The following ATP6V0B variants were observed in gnomAD, a reference collection of about 807,000 sequenced individuals.
The protein encoded by ATP6V0B is ATPase H+ transporting V0 subunit b, also known as V-type proton ATPase 21 kDa proteolipid subunit c''.
Under a neutral mutation model 26.2 loss-of-function variants are expected in ATP6V0B, and 4 were observed. That is an observed-to-expected ratio of 0.15 (90% CI 0.08 to 0.35). The LOEUF (loss-of-function observed/expected upper bound fraction) is 0.35. ATP6V0B is among the 10% of genes least tolerant of loss of function. ATP6V0B has a pLI of 1.00. For synonymous variants in ATP6V0B, 110 were observed against 105.8 expected (o/e 1.04, Z -0.24); for missense variants, 175 against 272.5 (o/e 0.64, Z 2.52).
chr1:43,977,775 C>T, intron 7 of ATP6V0B: 1 of 1,484,352 alleles, frequency 6.7e-7, no homozygotes, highest in South Asian at 1.4e-5. Flanking sequence ...TATCCATATG[C>T]CACTTCTCTC....
At chr1:43,975,614 C>A in intron 1 of ATP6V0B, 186 bp from the exon 2 acceptor site, 1 of 697,470 alleles carries the variant, frequency 1.4e-6, no homozygotes, top group Non-Finnish European at 2.5e-6. Flanking sequence ...GTGGTTTTAG[C>A]GAGGGAATGG....
At chr1:43,975,294 AG>A in intron 1 of ATP6V0B, 187 bp downstream of exon 1, 2 of 625,958 alleles carry the variant, frequency 3.2e-6, no homozygotes, top group South Asian at 1.6e-5. Context: ...CTGCTTGAGG[AG>A]GGGTGCGGGC....
Position 43,976,950 on chromosome 1 carries a change from A to T in ATP6V0B, c.401-76A>T. ...ACTTTTTCTGCTTTGCAGAGTGGGG[A>T]TGGTGATTGGCCCCATTAGCCCATA... On this transcript the variant is annotated intron_variant, in intron 6 of 7. Transcript: ENST00000472174. This position sits in a 1 kb window ranked among gnomAD's most constrained non-coding sequence, Gnocchi z 4.6. 3.1e-6 allele frequency: 5 copies of T among 1,600,764 alleles called. No homozygotes were observed. The highest frequency in any genetic ancestry group is 4.3e-6 in the Non-Finnish European group (5 of 1,169,088).
intron 7 of ATP6V0B, chr1:43,977,605 A>G (rs2085536708): frequency 4.2e-6 from 6 of 1,419,754 alleles, no homozygotes; most frequent in South Asian, 3.2e-5. Context: ...TCTCGGAGCT[A>G]TGTGTATCTC....
At chr1:43,977,676 A>C in intron 7 of ATP6V0B, 2 of 1,426,816 alleles carry the variant, frequency 1.4e-6, no homozygotes, top group Non-Finnish European at 1.8e-6. Flanking sequence ...AGTCTGTCTG[A>C]CAGTGTGTGA....
chr1:43,976,193 G>A lies in ATP6V0B; in HGVS notation c.200+20G>A, dbSNP rs561149186. The A allele has an allele frequency of 1.7e-5, 28 of 1,612,558 alleles. No homozygotes were observed. In the East Asian group the frequency reaches 5.4e-4, roughly 31 times the overall value. ...AGCCTGGTGAGTATTGGGGTGGTGG[G>A]ACTGGGGGCAGGGGCTGAGTCATGG... On this transcript the variant is annotated intron_variant, in intron 3 of 7. Coordinates refer to ENST00000472174, the MANE Select transcript of ATP6V0B (RefSeq NM_004047.5). The surrounding 1 kb of genome is among the most constrained non-coding windows in gnomAD (Gnocchi z 4.6).
In ATP6V0B at chr1:43,976,287, T is replaced by G. The variant is rs765040488; in HGVS notation, c.201-15T>G. 6.2e-7 allele frequency: 1 copy of G among 1,613,414 alleles called. No homozygotes were observed. Among genetic ancestry groups the G allele is most frequent in the Non-Finnish European group, 8.5e-7 (1 of 1,179,644 alleles). ...AGCTTGGGCTCTGCTCATCAGTTTT[T>G]TATCCTTCCACCAGGGGCATCTATA... On this transcript the variant is annotated splice_polypyrimidine_tract_variant and intron_variant, in intron 3 of 7. Coordinates refer to ENST00000472174, the MANE Select transcript of ATP6V0B (RefSeq NM_004047.5). This position sits in a 1 kb window ranked among gnomAD's most constrained non-coding sequence, Gnocchi z 4.6.
chr1:43,975,024 C>T lies in ATP6V0B; in HGVS notation c.-17C>T. On this transcript the variant is annotated 5_prime_UTR_variant, in exon 1 of 8. Coordinates refer to ENST00000472174, the MANE Select transcript of ATP6V0B (RefSeq NM_004047.5). ...AGCTCCGGCCCCGCCGTTCCGACCC[C>T]CGCCGCCGTCGCCGCCATGACGGGG... is the stretch of plus-strand genomic sequence containing the variant. The T allele has an allele frequency of 7.9e-7, 1 of 1,267,952 alleles. No homozygotes were observed. The allele number at this position is 1,267,952 out of a possible 1,614,324, so 78.5% of individuals were successfully genotyped here. A position where few individuals can be genotyped will look rare whatever the true frequency, so the allele number is the denominator to read the frequency against.
Position 43,976,902 on chromosome 1 carries a change from A to G in ATP6V0B, c.400+78A>G. On this transcript the variant is annotated intron_variant, in intron 6 of 7. Coordinates refer to ENST00000472174, the MANE Select transcript of ATP6V0B (RefSeq NM_004047.5). This position sits in a 1 kb window ranked among gnomAD's most constrained non-coding sequence, Gnocchi z 4.6. ...ACTCTCCCCCATCCCAGCTTGGGCC[A>G]TCATTTTGATATTCTCTCACCTACT... 6.2e-7 allele frequency: 1 copy of G among 1,604,550 alleles called. No individual in the cohort carries two copies. The highest frequency in any genetic ancestry group is 1.3e-5 in the African/African-American group (1 of 74,896).
Position 43,976,530 on chromosome 1 carries a change from G to A in ATP6V0B, c.279-60G>A, listed in dbSNP as rs762679268. Reference sequence around the variant, plus strand: ...TGGGGACTTACTGGGCAGGAAGGACGGTTTCTTTCTCATTTCTTTCTCCTT... The same window carrying A: ...TGGGGACTTACTGGGCAGGAAGGACAGTTTCTTTCTCATTTCTTTCTCCTT... On this transcript the variant is annotated intron_variant, in intron 4 of 7. Coordinates refer to ENST00000472174, the MANE Select transcript of ATP6V0B (RefSeq NM_004047.5). The surrounding 1 kb of genome is among the most constrained non-coding windows in gnomAD (Gnocchi z 4.6). 17 of 1,594,258 alleles carry A rather than the reference G, an allele frequency of 1.1e-5. No homozygotes were observed. The East Asian group carries it at 1.8e-4, about 17-fold the overall frequency.
At chr1:43,975,467 C>T in intron 1 of ATP6V0B, 1 of 552,646 alleles carries the variant, frequency 1.8e-6, no homozygotes, top group Non-Finnish European at 3.2e-6. Context: ...TTGCCCTCCC[C>T]CACCCACAGC....
At position 43,974,973 on chromosome 1, in the gene ATP6V0B, G is replaced by A; in HGVS notation, c.-68G>A. On this transcript the variant is annotated 5_prime_UTR_variant, in exon 1 of 8. Transcript: ENST00000472174. Reference sequence around the variant, plus strand: ...GGGCGGGCGGACAGACTGCGGGACGGACGGTGGACGCTGGGACGCGTTTGT... The same window carrying A: ...GGGCGGGCGGACAGACTGCGGGACGAACGGTGGACGCTGGGACGCGTTTGT... The A allele has an allele frequency of 1.7e-6, 2 of 1,186,552 alleles. No homozygotes were observed. The highest frequency in any genetic ancestry group is 2.1e-6 in the Non-Finnish European group (2 of 934,656). 73.5% of individuals were successfully genotyped at this position (1,186,552 alleles called of 1,614,324 possible). A position where few individuals can be genotyped will look rare whatever the true frequency, so the allele number is the denominator to read the frequency against.
Position 43,976,374 on chromosome 1 carries a change from GGTCAGGTAA to G in ATP6V0B, c.276_278+6del, listed in dbSNP as rs756321064. 1 of 1,612,116 alleles carries G rather than the reference GGTCAGGTAA, an allele frequency of 6.2e-7. No homozygotes were observed. The highest frequency in any genetic ancestry group is 8.5e-7 in the Non-Finnish European group (1 of 1,179,124). On this transcript the variant is annotated splice_donor_variant and splice_donor_region_variant and coding_sequence_variant and intron_variant, in exon 4 of 8. Transcript: ENST00000472174. LOFTEE classifies it high-confidence loss of function. The surrounding 1 kb of genome is among the most constrained non-coding windows in gnomAD (Gnocchi z 4.6). Reference sequence around the variant, plus strand: ...CCCCCAGGATCAAGACCAAGAACCTGGTCAGGTAAGTGTCAGGGTCCTTGGACTTTTGTC... The same window carrying G: ...CCCCCAGGATCAAGACCAAGAACCTGGTGTCAGGGTCCTTGGACTTTTGTC...
In ATP6V0B at chr1:43,976,975, ATC is replaced by A. The variant is rs2085527401; in HGVS notation, c.401-48_401-47del. On this transcript the variant is annotated intron_variant, in intron 6 of 7. Transcript: ENST00000472174. The surrounding 1 kb of genome is among the most constrained non-coding windows in gnomAD (Gnocchi z 4.6). ...ATGGTGATTGGCCCCATTAGCCCATATCTCCCCCATTCCTGGCTTAGCCTCAC... is the reference window on the plus strand; with the variant it reads ...ATGGTGATTGGCCCCATTAGCCCATATCCCCCATTCCTGGCTTAGCCTCAC... 1.2e-6 allele frequency: 2 copies of A among 1,600,800 alleles called. No homozygotes were observed. Among genetic ancestry groups the A allele is most frequent in the East Asian group, 4.5e-5 (2 of 44,638 alleles).
At chr1:43,975,211 T>C in intron 1 of ATP6V0B, 104 bp downstream of exon 1, 3 of 1,306,864 alleles carry the variant, frequency 2.3e-6, no homozygotes, top group Non-Finnish European at 3.0e-6. Context: ...CCCCGCGCGC[T>C]CTGCACCCGA....
rs776984078 is a variant in ATP6V0B at position 43,977,299 on chromosome 1, C to T, written c.591+83C>T. The T allele has an allele frequency of 2.5e-6, 4 of 1,611,858 alleles. No homozygotes were observed. The African/African-American group carries it at 4.0e-5, about 16-fold the overall frequency. ...CTTCTGGAGAAGCTGAAGTGCTCTCCTTCTCTACCTATAACTATAGATTCC... is the reference window on the plus strand; with the variant it reads ...CTTCTGGAGAAGCTGAAGTGCTCTCTTTCTCTACCTATAACTATAGATTCC... On this transcript the variant is annotated intron_variant, in intron 7 of 7. Coordinates refer to ENST00000472174, the MANE Select transcript of ATP6V0B (RefSeq NM_004047.5).
Position 43,977,794 on chromosome 1 carries a change from C to G in ATP6V0B, c.592-187C>G, listed in dbSNP as rs1418875265. On this transcript the variant is annotated intron_variant, in intron 7 of 7. Transcript: ENST00000472174. ...CATATGCCACTTCTCTCCGTCTGTCCCACAGCGTAACTCTGTGGTTGTCTG... is the reference window on the plus strand; with the variant it reads ...CATATGCCACTTCTCTCCGTCTGTCGCACAGCGTAACTCTGTGGTTGTCTG... The G allele has an allele frequency of 6.5e-6, 10 of 1,531,476 alleles. No homozygotes were observed. The East Asian group carries it at 2.3e-4, about 35-fold the overall frequency. The allele number at this position is 1,531,476 out of a possible 1,614,324, so 94.9% of individuals were successfully genotyped here. A position where few individuals can be genotyped will look rare whatever the true frequency, so the allele number is the denominator to read the frequency against.
chr1:43,975,966 A>AAATACGCGGTCAGTTG, intron 2 of ATP6V0B, 118 bp downstream of exon 2: 1 of 1,512,304 alleles, frequency 6.6e-7, no homozygotes. Context: ...GACCTTTGGG[A>AAATACGCGGTCAGTTG]AATACGCGGT....
In ATP6V0B at chr1:43,977,025, G is replaced by C; in HGVS notation, c.401-1G>C. 6.2e-7 allele frequency: 1 copy of C among 1,604,752 alleles called. No homozygotes were observed. Among genetic ancestry groups the C allele is most frequent in the Non-Finnish European group, 8.5e-7 (1 of 1,173,496 alleles). On this transcript the variant is annotated splice_acceptor_variant, in intron 6 of 7. Transcript: ENST00000472174. LOFTEE classifies it high-confidence loss of function. ...CACTGCACCCCTCTCTATCCTCCCA[G>C]GCTACTCCATGTTTGGGGCTGGCCT...
Sources: gnomAD v4.1 joint callset for allele counts on GRCh38, gnomAD v4.1.1 for gene constraint, Gnocchi (gnomAD v3.1) non-coding constraint, MANE v1.5 for transcripts, NCBI Gene and HGNC (gene_info 2026-07-23, HGNC 2026-07-21) for gene names.